The following CNTNAP2 variants were observed in gnomAD, a reference collection of about 807,000 sequenced individuals.
The protein encoded by CNTNAP2 is contactin-associated protein-like 2.
A neutral mutation model predicts 155.2 loss-of-function variants in CNTNAP2; 98 were observed. The ratio of observed to expected loss-of-function variants is 0.63; its 90% CI spans 0.54 to 0.75. CNTNAP2 has a LOEUF of 0.75. CNTNAP2 is among the 30% of genes least tolerant of loss of function. CNTNAP2 has a pLI of 0.00. For missense variants in CNTNAP2, 1,727 were observed against 1,688.1 expected, an observed-to-expected ratio of 1.02 and a Z score of -0.40; for synonymous variants, 651 against 631.2, an observed-to-expected ratio of 1.03 and a Z score of -0.47.
chr7:146,165,499 C>T (rs556613168), intron 1 of CNTNAP2, among the ~76,000 whole-genome samples: 1 of 152,180 alleles, frequency 6.6e-6, no homozygotes, highest in Non-Finnish European at 1.5e-5. Flanking sequence ...AAAAGTTATC[C>T]AAGTGTGATG....
chr7:147,669,443 C>A (rs1396920613), intron 13 of CNTNAP2, among the ~76,000 whole-genome samples: 1 of 152,174 alleles, frequency 6.6e-6, no homozygotes, highest in African/African-American at 2.4e-5. Context: ...AAGTGGAATT[C>A]TTGTGTCAAA....
intron 12 of CNTNAP2, among the ~76,000 whole-genome samples, chr7:147,589,559 A>G (rs1381900538): frequency 6.6e-6 from 1 of 152,110 alleles, no homozygotes; most frequent in African/African-American, 2.4e-5. Flanking sequence ...TGGCATGTAA[A>G]TGTATGTCTT....
intron 2 of CNTNAP2, among the ~76,000 whole-genome samples, chr7:146,817,752 T>C (rs1330587429): frequency 6.6e-6 from 1 of 152,114 alleles, no homozygotes; most frequent in Admixed American, 6.5e-5. Flanking sequence ...ACCAAGAGGA[T>C]GGTGCTAAAC....
At chr7:147,102,771 G>C (rs976538056) in intron 4 of CNTNAP2, among the ~76,000 whole-genome samples, 2 of 152,020 alleles carry the variant, frequency 1.3e-5, no homozygotes, top group African/African-American at 4.8e-5. Context: ...TTATATCATA[G>C]ATACATTGAA....
chr7:147,863,938 C>T (rs1320276803), intron 13 of CNTNAP2, among the ~76,000 whole-genome samples: 1 of 152,178 alleles, frequency 6.6e-6, no homozygotes, highest in Non-Finnish European at 1.5e-5. Flanking sequence ...TTAATCACAT[C>T]TGATTTGTCT....
intron 13 of CNTNAP2, among the ~76,000 whole-genome samples, chr7:147,789,140 CAA>C (rs1165044559): frequency 2.0e-5 from 3 of 151,978 alleles, no homozygotes; most frequent in South Asian, 2.1e-4. Context: ...CTCCTGACCT[CAA>C]GTGATCTGCC....
At chr7:147,670,932 A>G (rs1795776848) in intron 13 of CNTNAP2, among the ~76,000 whole-genome samples, 1 of 152,200 alleles carries the variant, frequency 6.6e-6, no homozygotes, top group Non-Finnish European at 1.5e-5. Flanking sequence ...TGGCAGAGCT[A>G]AAAGAGCACT....
chr7:146,372,483 C>T (rs1795249928), intron 1 of CNTNAP2, among the ~76,000 whole-genome samples: 1 of 151,468 alleles, frequency 6.6e-6, no homozygotes, highest in Admixed American at 6.6e-5. Context: ...TATTACCATT[C>T]CTCCATTTAC....
At chr7:147,820,432 T>C (rs1006141662) in intron 13 of CNTNAP2, among the ~76,000 whole-genome samples, 2 of 152,162 alleles carry the variant, frequency 1.3e-5, no homozygotes, top group African/African-American at 2.4e-5. Context: ...ATTTGAATGA[T>C]ACATTTCCTG....
chr7:147,237,021 A>AT (rs1803821188), intron 8 of CNTNAP2, among the ~76,000 whole-genome samples: 1 of 133,818 alleles, frequency 7.5e-6, no homozygotes, highest in South Asian at 2.3e-4. Flanking sequence ...GCCACCTATC[A>AT]TGCCACTTCC....
chr7:147,152,573 G>A lies in CNTNAP2; in HGVS notation c.1348+20064G>A, dbSNP rs1036601732. Among the ~76,000 whole-genome samples, 12 of 151,952 alleles carry A rather than the reference G, an allele frequency of 7.9e-5. No homozygotes were observed. The East Asian group carries it at 1.2e-3, about 15-fold the overall frequency. The stretch of plus-strand genomic sequence containing the variant: ...TTATTGGTACTGATCTTGGTAGTAC[G>A]AAAACAAAAAGGACAATAATCAATA... On this transcript the variant is annotated intron_variant, in intron 8 of 23. Coordinates refer to ENST00000361727, the MANE Select transcript of CNTNAP2 (RefSeq NM_014141.6).
intron 21 of CNTNAP2, among the ~76,000 whole-genome samples, chr7:148,278,569 C>CAAAAAAAAAAAAAAA (rs34230909): frequency 8.6e-6 from 1 of 116,632 alleles, no homozygotes; most frequent in Admixed American, 8.9e-5. Flanking sequence ...GACTACATCT[C>CAAAAAAAAAAAAAAA]AAAAAAAAAA....
intron 19 of CNTNAP2, among the ~76,000 whole-genome samples, chr7:148,223,405 G>A (rs953211578): frequency 3.9e-5 from 6 of 152,336 alleles, no homozygotes; most frequent in Non-Finnish European, 8.8e-5. Flanking sequence ...GTAAGTGTGT[G>A]CTGATGATAA....
intron 7 of CNTNAP2, 82 bp downstream of exon 7, chr7:147,128,918 A>G (rs1584861543): frequency 6.5e-7 from 1 of 1,548,274 alleles, no homozygotes; most frequent in Admixed American, 1.7e-5. Context: ...ACAACAACAA[A>G]ATCATGACAT....
intron 2 of CNTNAP2, among the ~76,000 whole-genome samples, chr7:146,819,624 AT>A (rs1803237744): frequency 6.6e-6 from 1 of 152,080 alleles, no homozygotes; most frequent in Admixed American, 6.6e-5. Flanking sequence ...TTATGTCTTA[AT>A]TTCATCTTCC....
chr7:147,229,211 G>T (rs958606884), intron 8 of CNTNAP2, among the ~76,000 whole-genome samples: 6 of 152,110 alleles, frequency 3.9e-5, no homozygotes, highest in African/African-American at 1.4e-4. Flanking sequence ...GTTTGTAAAT[G>T]AGCTTATTCA....
chr7:148,367,093 C>T lies in CNTNAP2; in HGVS notation c.3476-16556C>T, dbSNP rs374281008. Among the ~76,000 whole-genome samples, 418 of 151,932 alleles carry T rather than the reference C, an allele frequency of 2.8e-3. 5 individuals carry two copies. The highest frequency in any genetic ancestry group is 9.0e-3 in the African/African-American group (375 of 41,470). On this transcript the variant is annotated intron_variant, in intron 21 of 23. Transcript: ENST00000361727. ...TAAAAATACAAAAATTAGCTGGGCG[C>T]GGTGGTGCATGCCTGTAGTCCCAGC...
chr7:146,139,498 A>G (rs1378711390), intron 1 of CNTNAP2, among the ~76,000 whole-genome samples: 1 of 152,172 alleles, frequency 6.6e-6, no homozygotes, highest in African/African-American at 2.4e-5. Context: ...GAGAAAGATT[A>G]TGGAAGATGT....
chr7:147,990,956 G>A (rs1032779187), intron 15 of CNTNAP2, among the ~76,000 whole-genome samples: 7 of 152,016 alleles, frequency 4.6e-5, no homozygotes, highest in Admixed American at 1.3e-4. Flanking sequence ...CCTCTATCAG[G>A]TGGCTGGTCT....
Sources: gnomAD v4.1 joint callset for allele counts (sites outside exome capture counted in the v4.1 genomes callset) on GRCh38, gnomAD v4.1.1 for gene constraint, MANE v1.5 for transcripts, NCBI Gene and HGNC (gene_info 2026-07-23, HGNC 2026-07-21) for gene names.